The following STPG2 variants were observed in gnomAD, a reference collection of about 807,000 sequenced individuals.
STPG2 encodes sperm tail PG-rich repeat containing 2.
A neutral mutation model predicts 54.2 loss-of-function variants in STPG2; 56 were observed. The ratio of observed to expected loss-of-function variants is 1.03; its 90% CI spans 0.83 to 1.29. The LOEUF is 1.29. Ranked by LOEUF, STPG2 falls within the 50% of genes most tolerant of loss-of-function variation. The probability of loss-of-function intolerance (pLI) is 0.00; values close to 1 mark genes in which losing one functional copy is unlikely to be tolerated. For missense variants in STPG2, 596 were observed against 544.9 expected, an observed-to-expected ratio of 1.09 and a Z score of -0.93; for synonymous variants, 200 against 181.8, an observed-to-expected ratio of 1.10 and a Z score of -0.81.
chr4:97,706,763 G>C (rs754436967), intron 10 of STPG2, among the ~76,000 whole-genome samples: 2 of 152,178 alleles, frequency 1.3e-5, no homozygotes, highest in Admixed American at 6.5e-5. Context: ...ATTTATGAAA[G>C]TCATTGATGA....
At chr4:97,447,508 A>G (rs1729253807) in intron 4 of STPG2, among the ~76,000 whole-genome samples, 1 of 152,202 alleles carries the variant, frequency 6.6e-6, no homozygotes, top group Non-Finnish European at 1.5e-5. Flanking sequence ...CAAGTCTTCC[A>G]CTGCTCTGTG....
chr4:97,894,138 A>G (rs1482381549), intron 8 of STPG2, among the ~76,000 whole-genome samples: 1 of 151,958 alleles, frequency 6.6e-6, no homozygotes, highest in Non-Finnish European at 1.5e-5. Context: ...TGAAAGATGA[A>G]CCATATTCTA....
At chr4:98,137,230 G>A (rs1740159616) in intron 1 of STPG2, among the ~76,000 whole-genome samples, 1 of 151,620 alleles carries the variant, frequency 6.6e-6, no homozygotes, top group African/African-American at 2.4e-5. Context: ...TTAGAACAAG[G>A]AATAACAGGG....
intron 4 of STPG2, among the ~76,000 whole-genome samples, chr4:97,452,109 G>GCCC (rs1423383182): frequency 1.1e-3 from 21 of 18,938 alleles, no homozygotes; most frequent in African/African-American, 1.5e-3. Context: ...GCAGGCAGGA[G>GCCC]CCCCGCCCCC....
At chr4:97,967,761 T>C (rs1330831839) in intron 7 of STPG2, among the ~76,000 whole-genome samples, 5 of 152,160 alleles carry the variant, frequency 3.3e-5, no homozygotes, top group Admixed American at 2.6e-4. Context: ...GAATGACTAC[T>C]GGGTACATAA....
At chr4:97,715,743 G>T (rs546663939) in intron 9 of STPG2, among the ~76,000 whole-genome samples, 1 of 151,948 alleles carries the variant, frequency 6.6e-6, no homozygotes, top group African/African-American at 2.4e-5. Flanking sequence ...CTAAAACCCT[G>T]GAAGAAAACC....
At position 97,897,353 on chromosome 4, in the gene STPG2, G is replaced by A. The variant is rs180773419; in HGVS notation, c.1044+46544C>T. 5.6e-3 allele frequency among the ~76,000 whole-genome samples: 850 copies of A among 151,826 alleles called. 35 individuals are homozygous for A. Among genetic ancestry groups the A allele is most frequent in the Non-Finnish European group, 1.4e-3 (95 of 67,766 alleles). The stretch of plus-strand genomic sequence containing the variant: ...CCATGTCTTTGCTATTGTGAATAGT[G>A]CTGCAATGAACATATGCATACATGT... On this transcript the variant is annotated intron_variant, in intron 8 of 10. Transcript: ENST00000295268.
chr4:97,522,570 T>A (rs1281647266), intron 4 of STPG2, among the ~76,000 whole-genome samples: 1 of 151,974 alleles, frequency 6.6e-6, no homozygotes. Flanking sequence ...ACTTTTAGGG[T>A]CATTAGTGGG....
chr4:97,861,716 C>A (rs151168590), intron 8 of STPG2, among the ~76,000 whole-genome samples: 1,924 of 152,226 alleles, frequency 0.013, 32 homozygotes, highest in African/African-American at 0.044. Flanking sequence ...AGACTAACAG[C>A]TGCTCTCTCG....
At chr4:97,766,110 T>C (rs1183691000) in intron 9 of STPG2, among the ~76,000 whole-genome samples, 1 of 152,068 alleles carries the variant, frequency 6.6e-6, no homozygotes, top group Admixed American at 6.6e-5. Context: ...ATTCAAATAT[T>C]GGTTGGGTCA....
At chr4:97,938,341 T>C (rs1319179395) in intron 8 of STPG2, among the ~76,000 whole-genome samples, 2 of 152,090 alleles carry the variant, frequency 1.3e-5, no homozygotes, top group Admixed American at 1.3e-4. Flanking sequence ...GTGATAGCTG[T>C]CATCCCTCCC....
intron 7 of STPG2, among the ~76,000 whole-genome samples, chr4:97,944,451 C>G (rs1192016452): frequency 1.3e-5 from 2 of 152,038 alleles, no homozygotes; most frequent in African/African-American, 2.4e-5. Flanking sequence ...TCCACTCACT[C>G]TCTTAAATAT....
At chr4:97,651,890 T>G (rs1367178718) in intron 10 of STPG2, among the ~76,000 whole-genome samples, 1 of 152,008 alleles carries the variant, frequency 6.6e-6, no homozygotes, top group African/African-American at 2.4e-5. Flanking sequence ...ATAAAATACA[T>G]TTGAAGTGTC....
At chr4:97,817,387 T>C (rs1292431244) in intron 9 of STPG2, among the ~76,000 whole-genome samples, 1 of 152,022 alleles carries the variant, frequency 6.6e-6, no homozygotes, top group Non-Finnish European at 1.5e-5. Flanking sequence ...AAAAATGGTA[T>C]TGAATTATTT....
At chr4:97,998,700 T>A (rs1735318647) in intron 5 of STPG2, among the ~76,000 whole-genome samples, 1 of 152,176 alleles carries the variant, frequency 6.6e-6, no homozygotes, top group African/African-American at 2.4e-5. Flanking sequence ...GCACTGCTAA[T>A]CAATAACAGT....
chr4:98,061,046 A>C (rs28842595), intron 5 of STPG2, among the ~76,000 whole-genome samples: 1 of 152,034 alleles, frequency 6.6e-6, no homozygotes, highest in Non-Finnish European at 1.5e-5. Flanking sequence ...AGCAATTGCA[A>C]TAAAAGCAAA....
At chr4:98,111,203 A>C (rs1312781327) in intron 3 of STPG2, among the ~76,000 whole-genome samples, 1 of 152,098 alleles carries the variant, frequency 6.6e-6, no homozygotes, top group Non-Finnish European at 1.5e-5. Flanking sequence ...CCAGAACCAG[A>C]AAAGGACCTC....
At position 97,681,931 on chromosome 4, in the gene STPG2, T is replaced by A. The variant is rs113339286; in HGVS notation, c.1320+30768A>T. 5.1e-3 allele frequency among the ~76,000 whole-genome samples: 771 copies of A among 151,924 alleles called. 4 individuals are homozygous for A. The highest frequency in any genetic ancestry group is 0.02 in the Middle Eastern group (6 of 294). On this transcript the variant is annotated intron_variant, in intron 10 of 10. Transcript: ENST00000295268. ...GATATAATCAACTATCCAATCTGAATCAAGCAATCATTGAGGAAGAAACAT... is the reference window on the plus strand; with the variant it reads ...GATATAATCAACTATCCAATCTGAAACAAGCAATCATTGAGGAAGAAACAT...
At chr4:97,508,047 T>TC (rs1318903549) in intron 4 of STPG2, among the ~76,000 whole-genome samples, 1 of 151,992 alleles carries the variant, frequency 6.6e-6, no homozygotes, top group Non-Finnish European at 1.5e-5. Context: ...TCATGACCTG[T>TC]CCCCATGTTG....
Sources: allele counts gnomAD v4.1 joint callset (sites outside exome capture counted in the v4.1 genomes callset), GRCh38; gene constraint gnomAD v4.1.1; transcripts MANE v1.5; gene names NCBI Gene and HGNC (gene_info 2026-07-23, HGNC 2026-07-21).